The following NUDCD1 variants were observed in gnomAD, a reference collection of about 807,000 sequenced individuals.
NUDCD1 encodes NudC domain containing 1, also known as nudC domain-containing protein 1.
A neutral mutation model predicts 67.8 loss-of-function variants in NUDCD1; 60 were observed. The ratio of observed to expected loss-of-function variants is 0.88; its 90% CI spans 0.72 to 1.10. The LOEUF (loss-of-function observed/expected upper bound fraction) is 1.10. NUDCD1 is among the 50% of genes least tolerant of loss of function. NUDCD1 has a pLI of 0.00. For missense variants in NUDCD1, 643 were observed against 695.0 expected, an observed-to-expected ratio of 0.93 and a Z score of 0.84; for synonymous variants, 244 against 230.8, an observed-to-expected ratio of 1.06 and a Z score of -0.52.
At chr8:109,310,960 C>A (rs151160133) in intron 2 of NUDCD1, among the ~76,000 whole-genome samples, 4,939 of 151,840 alleles carry the variant, frequency 0.033, 102 homozygotes, top group Middle Eastern at 0.11. Flanking sequence ...GGACTACAGG[C>A]GCACGCCACC....
At chr8:109,294,138 GAGA>G (rs773906100) in intron 3 of NUDCD1, among the ~76,000 whole-genome samples, 11 of 151,890 alleles carry the variant, frequency 7.2e-5, no homozygotes, top group African/African-American at 2.4e-4. Flanking sequence ...ATACAAAATA[GAGA>G]AGGTTTTAAG....
At chr8:109,258,531 T>C (rs763686672) in intron 8 of NUDCD1, among the ~76,000 whole-genome samples, 24 of 152,078 alleles carry the variant, frequency 1.6e-4, no homozygotes. Flanking sequence ...CTATATTTGA[T>C]AAAAATTCTT....
chr8:109,266,931 A>T (rs1814016884), intron 8 of NUDCD1, among the ~76,000 whole-genome samples: 1 of 152,172 alleles, frequency 6.6e-6, no homozygotes, highest in Non-Finnish European at 1.5e-5. Context: ...CATTTAAAAC[A>T]TAGAGTTCTG....
intron 1 of NUDCD1, among the ~76,000 whole-genome samples, chr8:109,322,841 T>G (rs913788962): frequency 2.0e-5 from 3 of 149,226 alleles, no homozygotes; most frequent in Non-Finnish European, 4.4e-5. Context: ...TTTATATACT[T>G]TAAAAATGTT....
rs747675937 is a variant in NUDCD1 at position 109,334,047 on chromosome 8, C to CGCG, written c.-38_-37insCGC. The CGCG allele has an allele frequency of 6.2e-7, 1 of 1,613,302 alleles. No homozygotes were observed. The highest frequency in any genetic ancestry group is 1.7e-4 in the Middle Eastern group (1 of 6,052). On this transcript the variant is annotated 5_prime_UTR_variant, in exon 1 of 10. Coordinates refer to ENST00000239690, the MANE Select transcript of NUDCD1 (RefSeq NM_032869.4). Reference sequence around the variant, plus strand: ...GCCGCAGCGTGAGAATTAATAAAGCCCTTGTTGAAAGGTCCGCGCTTCACG... The same window carrying CGCG: ...GCCGCAGCGTGAGAATTAATAAAGCCGCGCTTGTTGAAAGGTCCGCGCTTCACG...
chr8:109,296,646 G>T, intron 2 of NUDCD1, 77 bp from the exon 3 acceptor site: 1 of 996,948 alleles, frequency 1.0e-6, no homozygotes, highest in Non-Finnish European at 1.5e-6. Flanking sequence ...TCTGCGGTGT[G>T]GTGGTTTCTC....
At chr8:109,295,539 A>G (rs1814824294) in intron 3 of NUDCD1, among the ~76,000 whole-genome samples, 1 of 152,146 alleles carries the variant, frequency 6.6e-6, no homozygotes, top group African/African-American at 2.4e-5. Context: ...ATAACTTAGT[A>G]AGGTAGGTAA....
intron 1 of NUDCD1, among the ~76,000 whole-genome samples, chr8:109,324,694 A>T (rs956415448): frequency 6.6e-6 from 1 of 152,214 alleles, no homozygotes; most frequent in African/African-American, 2.4e-5. Context: ...AAGAAAATGT[A>T]GTATATACAC....
At chr8:109,274,157 A>G (rs999775378) in intron 7 of NUDCD1, among the ~76,000 whole-genome samples, 1 of 152,160 alleles carries the variant, frequency 6.6e-6, no homozygotes, top group Non-Finnish European at 1.5e-5. Flanking sequence ...TGCTTTTACC[A>G]TTCGAGAGTT....
intron 2 of NUDCD1, among the ~76,000 whole-genome samples, chr8:109,298,102 TATTAA>T (rs1814885424): frequency 6.6e-6 from 1 of 152,148 alleles, no homozygotes; most frequent in Non-Finnish European, 1.5e-5. Context: ...CTTTATATAA[TATTAA>T]ATTAAATAAT....
chr8:109,278,066 T>A (rs952643102), intron 6 of NUDCD1, among the ~76,000 whole-genome samples: 2 of 152,192 alleles, frequency 1.3e-5, no homozygotes, highest in African/African-American at 4.8e-5. Flanking sequence ...ATACTACTAA[T>A]TAAGAACTAT....
intron 8 of NUDCD1, among the ~76,000 whole-genome samples, chr8:109,257,320 T>C (rs960202828): frequency 1.8e-4 from 28 of 152,128 alleles, no homozygotes; most frequent in African/African-American, 6.8e-4. Flanking sequence ...AGTAACACTG[T>C]TGCTACATAA....
intron 8 of NUDCD1, among the ~76,000 whole-genome samples, chr8:109,257,795 G>A (rs1813772429): frequency 6.6e-6 from 1 of 152,036 alleles, no homozygotes; most frequent in Non-Finnish European, 1.5e-5. Context: ...ATTAAACTCT[G>A]TTGTTGTAGT....
At chr8:109,293,830 G>GT (rs1257273870) in intron 3 of NUDCD1, among the ~76,000 whole-genome samples, 3 of 151,868 alleles carry the variant, frequency 2.0e-5, no homozygotes, top group African/African-American at 4.8e-5. Context: ...CCTTTTTCCT[G>GT]TTTTTTGTTT....
intron 8 of NUDCD1, among the ~76,000 whole-genome samples, chr8:109,251,938 C>T (rs1202887163): frequency 6.6e-6 from 1 of 152,066 alleles, no homozygotes; most frequent in African/African-American, 2.4e-5. Context: ...CCACGTGTGC[C>T]ATGTTTCATC....
intron 2 of NUDCD1, among the ~76,000 whole-genome samples, chr8:109,320,319 T>G (rs1283659228): frequency 1.3e-5 from 2 of 152,174 alleles, no homozygotes; most frequent in Non-Finnish European, 2.9e-5. Flanking sequence ...GGGGGGCCAG[T>G]TCAGAGACCC....
intron 2 of NUDCD1, among the ~76,000 whole-genome samples, chr8:109,318,017 T>C (rs1256085807): frequency 1.3e-5 from 2 of 152,194 alleles, no homozygotes; most frequent in Non-Finnish European, 2.9e-5. Flanking sequence ...TACTTGAACA[T>C]GTTAAAAATA....
chr8:109,323,436 T>C (rs1431661308), intron 1 of NUDCD1, among the ~76,000 whole-genome samples: 3 of 152,106 alleles, frequency 2.0e-5, no homozygotes, highest in Non-Finnish European at 1.5e-5. Flanking sequence ...GAATGGAATC[T>C]TGCCAATTAG....
chr8:109,319,387 T>C (rs1198065633), intron 2 of NUDCD1, among the ~76,000 whole-genome samples: 1 of 152,214 alleles, frequency 6.6e-6, no homozygotes, highest in African/African-American at 2.4e-5. Context: ...CAAGAGACTA[T>C]CTGGCCCACA....
Sources: allele counts gnomAD v4.1 joint callset (sites outside exome capture counted in the v4.1 genomes callset), GRCh38; gene constraint gnomAD v4.1.1; transcripts MANE v1.5; gene names NCBI Gene and HGNC (gene_info 2026-07-23, HGNC 2026-07-21).